Variants in POC1A observed in about 807,000 individuals in gnomAD.
POC1A encodes POC1 centriolar protein A.
POC1A carries 34 observed loss-of-function variants against 47.8 expected under a neutral mutation model. The observed-to-expected ratio is 0.71, with a 90% CI of 0.54 to 0.95. The LOEUF (loss-of-function observed/expected upper bound fraction) is 0.95. POC1A is among the 40% of genes least tolerant of loss of function. POC1A has a pLI of 0.00. For synonymous variants in POC1A, 177 were observed against 207.6 expected, an observed-to-expected ratio of 0.85 and a Z score of 1.27; for missense variants, 466 against 528.3, an observed-to-expected ratio of 0.88 and a Z score of 1.16.
At chr3:52,149,747 C>T in intron 3 of POC1A, 69 bp downstream of exon 3, 4 of 1,478,156 alleles carry the variant, frequency 2.7e-6, no homozygotes, top group Non-Finnish European at 3.7e-6. Flanking sequence ...AGCTAGGGGA[C>T]CTGGGTGGGG....
At chr3:52,140,778 A>G (rs1263207461) in intron 6 of POC1A, among the ~76,000 whole-genome samples, 2 of 151,668 alleles carry the variant, frequency 1.3e-5, no homozygotes, top group African/African-American at 4.8e-5. Context: ...ACCAGCCTCC[A>G]CTCTCACTCC....
chr3:52,114,351 C>T (rs1407911483), intron 9 of POC1A, among the ~76,000 whole-genome samples: 3 of 152,336 alleles, frequency 2.0e-5, no homozygotes, highest in African/African-American at 7.2e-5. Context: ...AGAACTGGAA[C>T]AACAGGGTCT....
intron 9 of POC1A, among the ~76,000 whole-genome samples, chr3:52,103,002 A>G (rs1703049839): frequency 6.6e-6 from 1 of 152,270 alleles, no homozygotes; most frequent in Non-Finnish European, 1.5e-5. Flanking sequence ...GTATTGGTAA[A>G]AGGATAGACA....
At chr3:52,127,725 TG>T (rs1443841613) in intron 7 of POC1A, among the ~76,000 whole-genome samples, 8 of 151,742 alleles carry the variant, frequency 5.3e-5, no homozygotes, top group African/African-American at 1.9e-4. Context: ...AGACAAAGTC[TG>T]GCTCTATCGC....
At chr3:52,133,442 A>G (rs930242056) in intron 7 of POC1A, among the ~76,000 whole-genome samples, 1 of 152,178 alleles carries the variant, frequency 6.6e-6, no homozygotes, top group Non-Finnish European at 1.5e-5. Context: ...GAGCCTGCGC[A>G]AACAAAAGGC....
At chr3:52,107,382 G>A in intron 9 of POC1A, among the ~76,000 whole-genome samples, 1 of 152,368 alleles carries the variant, frequency 6.6e-6, no homozygotes, top group Non-Finnish European at 1.5e-5. Context: ...CTCCTGCTGA[G>A]TCTGTTCTGG....
At chr3:52,127,215 C>A (rs926542370) in intron 7 of POC1A, among the ~76,000 whole-genome samples, 2 of 152,176 alleles carry the variant, frequency 1.3e-5, no homozygotes, top group African/African-American at 4.8e-5. Flanking sequence ...TGTAAGACAT[C>A]ACGGGCTGTG....
rs1704201389 is a variant in POC1A at position 52,131,280 on chromosome 3, C to A, written c.814-6099G>T. 2.6e-5 allele frequency among the ~76,000 whole-genome samples: 4 copies of A among 152,322 alleles called. No individual in the cohort carries two copies. In the South Asian group the frequency reaches 8.3e-4, roughly 32 times the overall value. ...GCCACACATGGGGCTGTGAGGGCCTCACACGGGGCCTGAGGCTCTGAACAA... is the reference window on the plus strand; with the variant it reads ...GCCACACATGGGGCTGTGAGGGCCTAACACGGGGCCTGAGGCTCTGAACAA... On this transcript the variant is annotated intron_variant, in intron 7 of 10. Transcript: ENST00000296484.
chr3:52,154,090 C>T lies in POC1A; in HGVS notation c.18+265G>A, dbSNP rs552202977. Among the ~76,000 whole-genome samples the T allele has an allele frequency of 4.6e-4, 70 of 152,254 alleles. 1 individual carries two copies. The highest frequency in any genetic ancestry group is 4.6e-4 in the Non-Finnish European group (31 of 68,042). ...GGTCACACATGAGTCGGGACTTGGT[C>T]GTGTGTCCCTCGCTAGGATGCAAAC... On this transcript the variant is annotated intron_variant, in intron 1 of 10. Transcript: ENST00000296484.
intron 10 of POC1A, 114 bp from the exon 11 acceptor site, chr3:52,076,099 G>T: frequency 1.3e-6 from 1 of 747,180 alleles, no homozygotes; most frequent in Non-Finnish European, 2.4e-6. Flanking sequence ...ATGCCAGCTG[G>T]CTCTTTCCAC....
At position 52,108,419 on chromosome 3, in the gene POC1A, A is replaced by G. The variant is rs1433220192; in HGVS notation, c.982-11707T>C. Among the ~76,000 whole-genome samples the G allele has an allele frequency of 1.4e-4, 22 of 152,328 alleles. 1 individual carries two copies. The highest frequency in any genetic ancestry group is 1.5e-5 in the Non-Finnish European group (1 of 68,026). ...GCTCTCAGTGACAAAGAGGAACAGT[A>G]GCGGTTTATTTATAGATCCACTTGA... On this transcript the variant is annotated intron_variant, in intron 9 of 10. Transcript: ENST00000296484.
At chr3:52,154,292 T>G in intron 1 of POC1A, 63 bp downstream of exon 1, 1 of 1,505,572 alleles carries the variant, frequency 6.6e-7, no homozygotes, top group Non-Finnish European at 9.0e-7. Context: ...GCTCTGGCCA[T>G]TAGGCGCCCA....
intron 8 of POC1A, 65 bp from the exon 9 acceptor site, chr3:52,122,542 G>C (rs1703821615): frequency 2.0e-6 from 2 of 1,025,156 alleles, no homozygotes; most frequent in East Asian, 4.7e-5. Flanking sequence ...CTTCACTGAG[G>C]AAATGGGCTC....
intron 5 of POC1A, 69 bp downstream of exon 5, chr3:52,146,919 C>T: frequency 4.7e-6 from 6 of 1,268,704 alleles, no homozygotes; most frequent in Non-Finnish European, 4.6e-6. Flanking sequence ...GCCACTGGGC[C>T]TCCTCATGCC....
chr3:52,090,984 G>A lies in POC1A; in HGVS notation c.1125+5585C>T, dbSNP rs1702626230. 1.3e-5 allele frequency among the ~76,000 whole-genome samples: 2 copies of A among 152,206 alleles called. No homozygotes were observed. The highest frequency in any genetic ancestry group is 4.1e-4 in the South Asian group (2 of 4,830). Reference sequence around the variant, plus strand: ...CAGCGCTTAAAATCTCCCCTTGGTGGAAAGCCAAAAAGAGGCAGAGATGGG... The same window carrying A: ...CAGCGCTTAAAATCTCCCCTTGGTGAAAAGCCAAAAAGAGGCAGAGATGGG... On this transcript the variant is annotated intron_variant, in intron 10 of 10. Transcript: ENST00000296484. The surrounding 1 kb of genome is among the most constrained non-coding windows in gnomAD (Gnocchi z 4.2).
At chr3:52,107,970 T>C (rs1385837212) in intron 9 of POC1A, among the ~76,000 whole-genome samples, 1 of 152,206 alleles carries the variant, frequency 6.6e-6, no homozygotes, top group Non-Finnish European at 1.5e-5. Flanking sequence ...GTATTTAGCC[T>C]CCTCCCATCT....
At position 52,075,976 on chromosome 3, in the gene POC1A, T is replaced by C; in HGVS notation, c.1135A>G (p.Ile379Val). The C allele has an allele frequency of 1.2e-6, 2 of 1,613,368 alleles. No individual in the cohort carries two copies. The highest frequency in any genetic ancestry group is 1.7e-6 in the Non-Finnish European group (2 of 1,179,362). The change falls in exon 11 of 11, where the codon ATT becomes GTT. Residue 379 changes from isoleucine (I) to valine (V), a missense_variant. Coordinates refer to ENST00000296484, the MANE Select transcript of POC1A (RefSeq NM_015426.5). ...QLDVLTQTVS[I>V]LEQRLTLTED... is the part of the protein sequence containing the mutation. Reference sequence around the variant, plus strand: ...GTCAGTGTCAACCGCTGCTCCAGAATGGAGACTGTCTGCAAAATAAACAGT... The same window carrying C: ...GTCAGTGTCAACCGCTGCTCCAGAACGGAGACTGTCTGCAAAATAAACAGT...
chr3:52,116,287 G>A (rs561948602), intron 9 of POC1A, among the ~76,000 whole-genome samples: 1 of 152,308 alleles, frequency 6.6e-6, no homozygotes, highest in African/African-American at 2.4e-5. Flanking sequence ...GGAGGTTAAG[G>A]ACAAGCACAG....
chr3:52,116,673 C>A (rs997457339), intron 9 of POC1A, among the ~76,000 whole-genome samples: 2 of 152,180 alleles, frequency 1.3e-5, no homozygotes, highest in African/African-American at 4.8e-5. Flanking sequence ...TGCCCACTGT[C>A]CCTCACCCCA....
Sources: allele counts gnomAD v4.1 joint callset (sites outside exome capture counted in the v4.1 genomes callset), GRCh38; gene constraint gnomAD v4.1.1; non-coding constraint Gnocchi (gnomAD v3.1); transcripts MANE v1.5; gene names NCBI Gene and HGNC (gene_info 2026-07-23, HGNC 2026-07-21).